DCDC2C: variants seen among roughly 807,000 people sequenced by gnomAD.
The protein encoded by DCDC2C is doublecortin domain-containing protein 2C.
DCDC2C carries 44 observed loss-of-function variants against 45.0 expected under a neutral mutation model. The ratio of observed to expected loss-of-function variants is 0.98; its 90% CI spans 0.77 to 1.26. The LOEUF is 1.26. DCDC2C is among the 50% of genes most tolerant of loss of function. The pLI, the probability that DCDC2C is intolerant of heterozygous loss-of-function variation, is 0.00. For synonymous variants in DCDC2C, 187 were observed against 178.8 expected, an observed-to-expected ratio of 1.05 and a Z score of -0.37; for missense variants, 447 against 468.9, an observed-to-expected ratio of 0.95 and a Z score of 0.43.
At position 3,818,884 on chromosome 2, in the gene DCDC2C, A is replaced by G. The variant is rs892828467; in HGVS notation, c.1066-28270A>G. Reference sequence around the variant, plus strand: ...TTTAGTTAAAATGTTTCAGTTAATAAGGGAACTGGGCAGGTGGGGATAACT... The same window carrying G: ...TTTAGTTAAAATGTTTCAGTTAATAGGGGAACTGGGCAGGTGGGGATAACT... On this transcript the variant is annotated intron_variant, in intron 10 of 10. Transcript: ENST00000399143. This position sits in a 1 kb window ranked among gnomAD's most constrained non-coding sequence, Gnocchi z 4.7. Among the ~76,000 whole-genome samples the G allele has an allele frequency of 1.3e-5, 2 of 152,186 alleles. No homozygotes were observed. Among genetic ancestry groups the G allele is most frequent in the African/African-American group, 2.4e-5 (1 of 41,434 alleles).
At position 3,753,356 on chromosome 2, in the gene DCDC2C, C is replaced by T. The variant is rs149001424; in HGVS notation, c.683+456C>T. 1.8e-3 allele frequency among the ~76,000 whole-genome samples: 280 copies of T among 152,274 alleles called. 1 individual carries two copies. The highest frequency in any genetic ancestry group is 6.4e-3 in the African/African-American group (267 of 41,550). ...TTGTAGTAATCTGGGCATGGCTATG[C>T]GGGTGCCACACTGTGTGTGTGTTTA... On this transcript the variant is annotated intron_variant, in intron 5 of 10. Transcript: ENST00000399143.
intron 8 of DCDC2C, 88 bp from the exon 9 acceptor site, chr2:3,778,728 G>C (rs2148171305): frequency 1.6e-6 from 2 of 1,244,476 alleles, no homozygotes; most frequent in African/African-American, 3.0e-5. Context: ...AAGTGGTCTA[G>C]AAGGTCGCAC....
chr2:3,766,333 C>T (rs549046042), intron 6 of DCDC2C, among the ~76,000 whole-genome samples: 117 of 152,058 alleles, frequency 7.7e-4, no homozygotes, highest in African/African-American at 2.7e-3. Context: ...CACACACACA[C>T]GGTGTCTTTA....
At chr2:3,844,570 C>G (rs764777373) in intron 10 of DCDC2C, 1 of 152,236 alleles carries the variant, frequency 6.6e-6, no homozygotes, top group Non-Finnish European at 1.5e-5. Context: ...TGTGAAGAAA[C>G]AGTCAAAAAC....
At chr2:3,753,421 T>C (rs1251461447) in intron 5 of DCDC2C, among the ~76,000 whole-genome samples, 1 of 152,202 alleles carries the variant, frequency 6.6e-6, no homozygotes, top group Non-Finnish European at 1.5e-5. Flanking sequence ...TGAAGGGTGC[T>C]GAGATGGGTG....
intron 10 of DCDC2C, among the ~76,000 whole-genome samples, chr2:3,797,254 C>T (rs1403572840): frequency 6.6e-6 from 1 of 152,132 alleles, no homozygotes; most frequent in Non-Finnish European, 1.5e-5. Flanking sequence ...TTTGATTCTT[C>T]TCTCTTTTTT....
intron 2 of DCDC2C, among the ~76,000 whole-genome samples, chr2:3,723,301 G>A (rs1668545620): frequency 6.6e-6 from 1 of 152,200 alleles, no homozygotes; most frequent in African/African-American, 2.4e-5. Flanking sequence ...GAAAGCAGAG[G>A]CAGGATGAAG....
At chr2:3,736,686 G>T (rs758943304) in intron 3 of DCDC2C, among the ~76,000 whole-genome samples, 2 of 152,186 alleles carry the variant, frequency 1.3e-5, no homozygotes, top group Non-Finnish European at 2.9e-5. Flanking sequence ...TTTTCCTGAT[G>T]ATTTCAATTG....
chr2:3,705,987 A>G (rs1267665723), intron 1 of DCDC2C, among the ~76,000 whole-genome samples: 1 of 152,200 alleles, frequency 6.6e-6, no homozygotes, highest in Non-Finnish European at 1.5e-5. Context: ...GTGAAGTTCA[A>G]CATAGAGAGC....
chr2:3,727,218 C>G, intron 3 of DCDC2C, 139 bp downstream of exon 3: 2 of 651,800 alleles, frequency 3.1e-6, no homozygotes, highest in Non-Finnish European at 5.3e-6. Context: ...TGTGCTCTCA[C>G]TTCCTGACAG....
At chr2:3,824,276 C>G (rs1301177545) in intron 10 of DCDC2C, among the ~76,000 whole-genome samples, 1 of 152,164 alleles carries the variant, frequency 6.6e-6, no homozygotes, top group Non-Finnish European at 1.5e-5. Flanking sequence ...CAGGGATTGG[C>G]AAACTTCTCT....
At chr2:3,814,306 G>A (rs987204681) in intron 10 of DCDC2C, among the ~76,000 whole-genome samples, 5 of 151,948 alleles carry the variant, frequency 3.3e-5, no homozygotes, top group Admixed American at 2.6e-4. Context: ...CTTCCACTTG[G>A]TCAATTTGGC....
At chr2:3,783,323 G>A (rs557376167) in intron 9 of DCDC2C, among the ~76,000 whole-genome samples, 13 of 152,254 alleles carry the variant, frequency 8.5e-5, no homozygotes, top group Non-Finnish European at 1.6e-4. Flanking sequence ...ATCCGGAGCT[G>A]TGCCTGATGC....
rs1198180027 is a variant in DCDC2C at position 3,813,051 on chromosome 2, ATATATATATATATATATT to A, written c.1065+27953_1065+27970del. ...CACTGAGAAGAACGTATATATATAT[ATATATATATATATATATT>A]TTTTTTTTTTTGCTGTTTTTGAGAT... is the stretch of plus-strand genomic sequence containing the variant. On this transcript the variant is annotated intron_variant, in intron 10 of 10. Transcript: ENST00000399143. 2.4e-5 allele frequency among the ~76,000 whole-genome samples: 2 copies of A among 82,776 alleles called. 1 individual carries two copies. The highest frequency in any genetic ancestry group is 4.3e-5 in the Non-Finnish European group (2 of 46,034). 54.3% of individuals were successfully genotyped at this position (82,776 alleles called of 152,430 possible).
At chr2:3,842,548 G>A (rs557618220) in intron 10 of DCDC2C, among the ~76,000 whole-genome samples, 73 of 150,318 alleles carry the variant, frequency 4.9e-4, no homozygotes, top group African/African-American at 1.7e-3. Flanking sequence ...ATGTGCCTGA[G>A]GAAGGAATAG....
At chr2:3,717,670 C>T (rs1430577416) in intron 2 of DCDC2C, among the ~76,000 whole-genome samples, 1 of 152,192 alleles carries the variant, frequency 6.6e-6, no homozygotes, top group East Asian at 1.9e-4. Flanking sequence ...CTCTTGGCTC[C>T]AGGGAGGTGA....
chr2:3,836,606 T>C (rs1672081370), intron 10 of DCDC2C, among the ~76,000 whole-genome samples: 1 of 152,176 alleles, frequency 6.6e-6, no homozygotes, highest in African/African-American at 2.4e-5. Flanking sequence ...CTCACGCCTG[T>C]AATCCCAGCA....
intron 10 of DCDC2C, among the ~76,000 whole-genome samples, chr2:3,823,445 C>G (rs1015535432): frequency 2.0e-5 from 3 of 152,142 alleles, no homozygotes; most frequent in Non-Finnish European, 4.4e-5. Context: ...ACACATTCTG[C>G]TGTTGTTGGG....
At chr2:3,790,938 C>T (rs1670791698) in intron 10 of DCDC2C, among the ~76,000 whole-genome samples, 1 of 152,060 alleles carries the variant, frequency 6.6e-6, no homozygotes, top group Non-Finnish European at 1.5e-5. Context: ...GAAACCCCGT[C>T]TCTACTAAAA....
Sources: allele counts gnomAD v4.1 joint callset (sites outside exome capture counted in the v4.1 genomes callset), GRCh38; gene constraint gnomAD v4.1.1; non-coding constraint Gnocchi (gnomAD v3.1); transcripts MANE v1.5; gene names NCBI Gene and HGNC (gene_info 2026-07-23, HGNC 2026-07-21).